Variants in MITF observed in about 807,000 individuals in gnomAD.
MITF encodes melanocyte inducing transcription factor.
In MITF, 17 loss-of-function variants were observed where a neutral mutation model predicts 60.5. That is an observed-to-expected ratio of 0.28 (90% confidence interval 0.19 to 0.42). The LOEUF (loss-of-function observed/expected upper bound fraction) is 0.42. MITF is among the 10% of genes least tolerant of loss of function. The pLI, the probability that MITF is intolerant of heterozygous loss-of-function variation, is 1.00. For missense variants in MITF, 622 were observed against 683.5 expected (o/e 0.91, Z 1.00); for synonymous variants, 260 against 248.5 (o/e 1.05, Z -0.43).
intron 2 of MITF, among the ~76,000 whole-genome samples, chr3:69,910,189 C>T (rs981687276): frequency 6.6e-6 from 1 of 152,202 alleles, no homozygotes; most frequent in East Asian, 1.9e-4. Flanking sequence ...AGGTTGGAGG[C>T]CCCAAACCTT....
intron 1 of MITF, among the ~76,000 whole-genome samples, chr3:69,763,405 G>A (rs568136825): frequency 8.5e-5 from 13 of 152,282 alleles, no homozygotes; most frequent in Non-Finnish European, 1.3e-4. Context: ...ACCTGTTGAT[G>A]TAAAGTCTAT....
intron 1 of MITF, among the ~76,000 whole-genome samples, chr3:69,741,097 C>T (rs1429683063): frequency 6.6e-6 from 1 of 152,172 alleles, no homozygotes; most frequent in East Asian, 1.9e-4. Context: ...TGGAAGGAAA[C>T]CGCCTAAGCA....
At chr3:69,868,601 G>C (rs2064161125) in intron 1 of MITF, among the ~76,000 whole-genome samples, 1 of 152,018 alleles carries the variant, frequency 6.6e-6, no homozygotes, top group Non-Finnish European at 1.5e-5. Context: ...GTTCACCATT[G>C]ATTATAAGAC....
chr3:69,911,470 T>C (rs2065224517), intron 2 of MITF, among the ~76,000 whole-genome samples: 1 of 152,166 alleles, frequency 6.6e-6, no homozygotes, highest in African/African-American at 2.4e-5. Context: ...GTGCAATTCC[T>C]GTTAGGTTTT....
chr3:69,817,682 C>A (rs1012208794), intron 1 of MITF, among the ~76,000 whole-genome samples: 1 of 151,984 alleles, frequency 6.6e-6, no homozygotes, highest in Non-Finnish European at 1.5e-5. Context: ...ATCAAATATT[C>A]CAGATAACAT....
At chr3:69,912,520 T>G (rs1258301510) in intron 2 of MITF, among the ~76,000 whole-genome samples, 1 of 152,252 alleles carries the variant, frequency 6.6e-6, no homozygotes, top group African/African-American at 2.4e-5. Context: ...GCACATGTTC[T>G]AGTCATCTCT....
intron 4 of MITF, among the ~76,000 whole-genome samples, chr3:69,940,745 G>A (rs377728524): frequency 2.0e-5 from 3 of 152,154 alleles, no homozygotes; most frequent in East Asian, 1.9e-4. Flanking sequence ...AAAAAAGGAA[G>A]TAGAATGACA....
chr3:69,784,034 A>G (rs2062609293), intron 1 of MITF, among the ~76,000 whole-genome samples: 2 of 152,150 alleles, frequency 1.3e-5, no homozygotes, highest in African/African-American at 4.8e-5. Context: ...AACTATTTTA[A>G]GGGGTATTTT....
chr3:69,826,325 C>G (rs940124750), intron 1 of MITF, among the ~76,000 whole-genome samples: 1 of 152,158 alleles, frequency 6.6e-6, no homozygotes, highest in African/African-American at 2.4e-5. Flanking sequence ...CTTACTTGGG[C>G]CTGGCATCTT....
Position 69,801,956 on chromosome 3 carries a change from T to C in MITF, c.104+62255T>C, listed in dbSNP as rs144883362. 1.6e-3 allele frequency among the ~76,000 whole-genome samples: 249 copies of C among 152,310 alleles called. 1 individual carries two copies. The highest frequency in any genetic ancestry group is 5.8e-3 in the African/African-American group (240 of 41,566). On this transcript the variant is annotated intron_variant, in intron 1 of 9. Coordinates refer to ENST00000352241, the MANE Select transcript of MITF (RefSeq NM_001354604.2). ...TCTCTATTCTGTGCCTGGCATGTAATAGGCCCTCAATAAACATGGGTCTTA... is the reference window on the plus strand; with the variant it reads ...TCTCTATTCTGTGCCTGGCATGTAACAGGCCCTCAATAAACATGGGTCTTA...
At chr3:69,763,626 G>A in intron 1 of MITF, 2 of 1,223,086 alleles carry the variant, frequency 1.6e-6, no homozygotes, top group Non-Finnish European at 2.1e-6. Flanking sequence ...TCGCATCTTT[G>A]TAATAATCTC....
intron 1 of MITF, among the ~76,000 whole-genome samples, chr3:69,773,857 T>C (rs931120724): frequency 1.3e-5 from 2 of 152,190 alleles, no homozygotes; most frequent in Admixed American, 6.5e-5. Flanking sequence ...TTTTTTGTTA[T>C]AGAAAATAGA....
intron 1 of MITF, among the ~76,000 whole-genome samples, chr3:69,802,979 G>T (rs2062947037): frequency 6.6e-6 from 1 of 151,938 alleles, no homozygotes; most frequent in Non-Finnish European, 1.5e-5. Context: ...GTTTCTCCAT[G>T]TTGGTCAGGC....
At position 69,949,144 on chromosome 3, in the gene MITF, C is replaced by G; in HGVS notation, c.856C>G (p.Pro286Ala). 3 of 1,613,464 alleles carry G rather than the reference C, an allele frequency of 1.9e-6. No individual in the cohort carries two copies. The highest frequency in any genetic ancestry group is 2.5e-6 in the Non-Finnish European group (3 of 1,179,634). The change falls in exon 6 of 10, where the codon CCC becomes GCC. Residue 286 changes from proline to alanine, a missense_variant. Around this residue, in one of 5 missense-constraint regions of MITF, gnomAD observed 215 missense variants for 224.8 expected, o/e 0.96. Transcript: ENST00000352241. Reference sequence around the variant, plus strand: ...CAGCAACTCCTGTCCAGCCAACCTTCCCAACATAAAAAGGGAGCTCACAGG... The same window carrying G: ...CAGCAACTCCTGTCCAGCCAACCTTGCCAACATAAAAAGGGAGCTCACAGG... ...TISNSCPANLPNIKRELTACI... is the reference protein window; with the variant it reads ...TISNSCPANLANIKRELTACI...
chr3:69,959,243 AAT>A, intron 8 of MITF, 28 bp from the exon 9 acceptor site: 2 of 1,613,280 alleles, frequency 1.2e-6, no homozygotes, highest in Non-Finnish European at 1.7e-6. Flanking sequence ...AAATCCTAAA[AAT>A]ATCTGTTTTC....
At chr3:69,744,682 T>G (rs1360975410) in intron 1 of MITF, among the ~76,000 whole-genome samples, 4 of 152,254 alleles carry the variant, frequency 2.6e-5, no homozygotes, top group African/African-American at 9.6e-5. Context: ...GAAGGTGTTT[T>G]GCATTTGCTT....
At chr3:69,951,359 T>C (rs1457203929) in intron 6 of MITF, among the ~76,000 whole-genome samples, 3 of 151,962 alleles carry the variant, frequency 2.0e-5, no homozygotes, top group Non-Finnish European at 2.9e-5. Flanking sequence ...GAATTACAGG[T>C]GCAAGCAACC....
intron 1 of MITF, among the ~76,000 whole-genome samples, chr3:69,740,484 C>G (rs947597451): frequency 2.6e-5 from 4 of 152,114 alleles, no homozygotes; most frequent in South Asian, 2.1e-4. Flanking sequence ...ACTTTTTAGA[C>G]GAGGAGTGAA....
Position 69,739,641 on chromosome 3 carries a change from A to G in MITF, c.44A>G (p.Glu15Gly), listed in dbSNP as rs758114521. The change falls in exon 1 of 10, where the codon GAG becomes GGG. Residue 15 changes from glutamate (E) to glycine (G), a missense_variant. This residue lies in a region of MITF where 149 missense variants were observed against 157.8 expected (regional missense o/e 0.94). Coordinates refer to ENST00000352241, the MANE Select transcript of MITF (RefSeq NM_001354604.2). ...ATCGTGCCGGATTTCGAAGTCGGGG[A>G]GGAGTTTCATGAAGAGCCCAAAACC... ...SGIVPDFEVGEEFHEEPKTYY... is the reference protein window; with the variant it reads ...SGIVPDFEVGGEFHEEPKTYY... The G allele has an allele frequency of 1.3e-6, 2 of 1,584,618 alleles. No homozygotes were observed. The highest frequency in any genetic ancestry group is 1.7e-6 in the Non-Finnish European group (2 of 1,163,826).
Sources: allele counts gnomAD v4.1 joint callset (sites outside exome capture counted in the v4.1 genomes callset), GRCh38; gene constraint gnomAD v4.1.1; regional missense constraint gnomAD v4.1.1; transcripts MANE v1.5; gene names NCBI Gene and HGNC (gene_info 2026-07-23, HGNC 2026-07-21).